Variants in USP13 observed in about 807,000 individuals in gnomAD.
The protein encoded by USP13 is ubiquitin carboxyl-terminal hydrolase 13.
USP13 carries 68 observed loss-of-function variants against 107.8 expected under a neutral mutation model. That is an observed-to-expected ratio of 0.63 (90% CI 0.52 to 0.77). The LOEUF (loss-of-function observed/expected upper bound fraction) is 0.77, where lower values mean the gene tolerates loss of function less well. Ranked by LOEUF, USP13 falls within the 30% of genes least tolerant of loss-of-function variation. The pLI is 0.00. For synonymous variants in USP13, 377 were observed against 389.5 expected (o/e 0.97, Z 0.38); for missense variants, 945 against 1,093.3 (o/e 0.86, Z 1.91).
intron 1 of USP13, among the ~76,000 whole-genome samples, chr3:179,662,184 G>A (rs1720474733): frequency 6.6e-6 from 1 of 150,502 alleles, no homozygotes; most frequent in Admixed American, 6.6e-5. Flanking sequence ...TCGTGATGGT[G>A]CCTCTATTCT....
In USP13 at chr3:179,728,547, A is replaced by G. The variant is rs1490526357; in HGVS notation, c.1089-1642A>G. On this transcript the variant is annotated intron_variant, in intron 8 of 20. Transcript: ENST00000263966. ...CTCACATCCCAGACGATGGGCGGCC[A>G]GGCAGAGACACTCCTCACTTCCCAG... Among the ~76,000 whole-genome samples, 5 of 144,026 alleles carry G rather than the reference A, an allele frequency of 3.5e-5. No homozygotes were observed. In the East Asian group the frequency reaches 6.5e-4, roughly 19 times the overall value. The allele number at this position is 144,026 out of a possible 152,430, so 94.5% of individuals were successfully genotyped here.
intron 1 of USP13, among the ~76,000 whole-genome samples, chr3:179,664,106 C>A (rs1044735602): frequency 6.6e-6 from 1 of 151,074 alleles, no homozygotes; most frequent in Admixed American, 6.6e-5. Context: ...ATTAAGCCTG[C>A]ATCTTTTCTG....
At chr3:179,773,812 A>C (rs1333640255) in intron 19 of USP13, among the ~76,000 whole-genome samples, 1 of 152,212 alleles carries the variant, frequency 6.6e-6, no homozygotes, top group African/African-American at 2.4e-5. Flanking sequence ...ACCAGTTTAT[A>C]CCCCAATTTA....
intron 2 of USP13, among the ~76,000 whole-genome samples, chr3:179,689,128 G>A (rs1712008630): frequency 6.6e-6 from 1 of 152,206 alleles, no homozygotes; most frequent in Admixed American, 6.5e-5. Flanking sequence ...GCAAGGTCTC[G>A]ACACCTGTGG....
In USP13 at chr3:179,789,110, A is replaced by AG. The variant is rs963745669; in HGVS notation, c.*4971dup. Reference sequence around the variant, plus strand: ...AATCCTCTTGTGGTTTCCCCTCCCCAGGTATTGTTGAGTCTGTTCAAAGCT... The same window carrying AG: ...AATCCTCTTGTGGTTTCCCCTCCCCAGGGTATTGTTGAGTCTGTTCAAAGCT... On this transcript the variant is annotated 3_prime_UTR_variant, in exon 21 of 21. Coordinates refer to ENST00000263966, the MANE Select transcript of USP13 (RefSeq NM_003940.3). 1.8e-4 allele frequency: 27 copies of AG among 152,244 alleles called. No individual in the cohort carries two copies. The highest frequency in any genetic ancestry group is 5.8e-4 in the African/African-American group (24 of 41,526). 9.4% of individuals were successfully genotyped at this position (152,244 alleles called of 1,614,324 possible).
chr3:179,705,257 C>CG (rs1451658994), intron 4 of USP13, among the ~76,000 whole-genome samples: 7 of 152,172 alleles, frequency 4.6e-5, no homozygotes. Flanking sequence ...GATCAGCTCA[C>CG]TGTGCAGGAT....
At chr3:179,722,494 A>C (rs1388301780) in intron 8 of USP13, among the ~76,000 whole-genome samples, 2 of 152,080 alleles carry the variant, frequency 1.3e-5, no homozygotes, top group Non-Finnish European at 2.9e-5. Flanking sequence ...TTTTTAACTT[A>C]TTTTTAATTA....
Position 179,701,110 on chromosome 3 carries a change from T to G in USP13, c.458T>G (p.Ile153Ser). Reference sequence around the variant, plus strand: ...CACTATGAAATAGCACTACCAAATATTGAGGAGTTACCAGCCCTGGTCAGT... The same window carrying G: ...CACTATGAAATAGCACTACCAAATAGTGAGGAGTTACCAGCCCTGGTCAGT... ...PDHYEIALPN[I>S]EELPALVTIA... The change falls in exon 4 of 21, where the codon ATT (isoleucine) becomes AGT (serine). Residue 153 changes from isoleucine to serine, a missense_variant. By Grantham distance (142) the Ile-to-Ser change is moderately radical. Transcript: ENST00000263966. 1 of 1,613,132 alleles carries G rather than the reference T, an allele frequency of 6.2e-7. No homozygotes were observed. The highest frequency in any genetic ancestry group is 2.2e-5 in the East Asian group (1 of 44,852).
chr3:179,704,235 A>T (rs1362513636), intron 4 of USP13, among the ~76,000 whole-genome samples: 2 of 152,202 alleles, frequency 1.3e-5, no homozygotes, highest in Admixed American at 6.5e-5. Context: ...ACCCACAAAG[A>T]TATTCAAGGA....
intron 4 of USP13, among the ~76,000 whole-genome samples, chr3:179,702,796 A>C (rs2108476465): frequency 6.6e-6 from 1 of 152,358 alleles, no homozygotes; most frequent in African/African-American, 2.4e-5. Flanking sequence ...TTAGTGGACA[A>C]AATGGCCTTA....
chr3:179,693,561 G>A (rs544392624), intron 3 of USP13, among the ~76,000 whole-genome samples: 16 of 152,178 alleles, frequency 1.1e-4, no homozygotes, highest in Non-Finnish European at 2.1e-4. Flanking sequence ...TGTCACATTG[G>A]TCCCAGCCCT....
At chr3:179,744,235 AG>A (rs1313495200) in intron 12 of USP13, among the ~76,000 whole-genome samples, 1 of 152,256 alleles carries the variant, frequency 6.6e-6, no homozygotes, top group East Asian at 1.9e-4. Context: ...TTGGCCTCAC[AG>A]GGACCCATGT....
Position 179,746,230 on chromosome 3 carries a change from A to G in USP13, c.1709+1013A>G, listed in dbSNP as rs1453770569. Among the ~76,000 whole-genome samples the G allele has an allele frequency of 2.7e-5, 4 of 147,138 alleles. 1 individual carries two copies. In the Admixed American group the frequency reaches 2.7e-4, roughly 10 times the overall value. ...ATAAAATGTATATATATAAAATTTT[A>G]TATATATACATATAATATATATAAG... On this transcript the variant is annotated intron_variant, in intron 13 of 20. Transcript: ENST00000263966.
At chr3:179,684,720 T>G (rs1249483467) in intron 2 of USP13, among the ~76,000 whole-genome samples, 1 of 152,206 alleles carries the variant, frequency 6.6e-6, no homozygotes, top group Non-Finnish European at 1.5e-5. Context: ...TGCATTGGTA[T>G]GGCAAGCCTT....
At chr3:179,732,803 T>C (rs1713853480) in intron 10 of USP13, among the ~76,000 whole-genome samples, 1 of 152,212 alleles carries the variant, frequency 6.6e-6, no homozygotes, top group African/African-American at 2.4e-5. Context: ...ACAAGTAGTA[T>C]CTGTTTGGAG....
At chr3:179,774,242 A>C (rs1560082864) in intron 19 of USP13, among the ~76,000 whole-genome samples, 2 of 152,160 alleles carry the variant, frequency 1.3e-5, no homozygotes, top group South Asian at 2.1e-4. Flanking sequence ...AGAGGGCACC[A>C]AGGTATTCAT....
chr3:179,669,451 T>G (rs1320406322), intron 1 of USP13, among the ~76,000 whole-genome samples: 3 of 150,930 alleles, frequency 2.0e-5, no homozygotes, highest in African/African-American at 7.3e-5. Flanking sequence ...AGAGCAAGAC[T>G]CCGTCTCAAA....
intron 19 of USP13, among the ~76,000 whole-genome samples, chr3:179,778,670 G>A (rs560132925): frequency 6.6e-6 from 1 of 152,276 alleles, no homozygotes; most frequent in East Asian, 1.9e-4. Context: ...GGAGGTTGAG[G>A]CAGGAGAATT....
rs530829358 is a variant in USP13, at chr3:179,699,848, A to G, written c.356-1160A>G. ...AGAGCAGAGCTGTACACAAACATAT[A>G]CTAGGTTTTTGATTGAAAACATACA... On this transcript the variant is annotated intron_variant, in intron 3 of 20. Coordinates refer to ENST00000263966, the MANE Select transcript of USP13 (RefSeq NM_003940.3). Among the ~76,000 whole-genome samples, 11 of 151,970 alleles carry G rather than the reference A, an allele frequency of 7.2e-5. No homozygotes were observed. In the East Asian group the frequency reaches 1.9e-3, roughly 27 times the overall value.
Sources: allele counts gnomAD v4.1 joint callset (sites outside exome capture counted in the v4.1 genomes callset), GRCh38; gene constraint gnomAD v4.1.1; transcripts MANE v1.5; gene names NCBI Gene and HGNC (gene_info 2026-07-23, HGNC 2026-07-21).